The following WWOX variants were observed in gnomAD, a reference collection of about 807,000 sequenced individuals.
The protein encoded by WWOX is WW domain-containing oxidoreductase.
In WWOX, 69 loss-of-function variants were observed where a neutral mutation model predicts 46.2. The ratio of observed to expected loss-of-function variants is 1.49; its 90% CI spans 1.23 to 1.82. The LOEUF (loss-of-function observed/expected upper bound fraction) is 1.82. Among genes scored for constraint, WWOX ranks in the 40% most tolerant of loss-of-function variants. The probability of loss-of-function intolerance (pLI) is 0.00; values close to 1 mark genes in which losing one functional copy is unlikely to be tolerated. For synonymous variants in WWOX, 359 were observed against 202.6 expected (o/e 1.77, Z -6.56); for missense variants, 919 against 542.6 (o/e 1.69, Z -6.89).
chr16:78,973,532 TA>T (rs1390354936), intron 8 of WWOX, among the ~76,000 whole-genome samples: 5 of 152,198 alleles, frequency 3.3e-5, no homozygotes, highest in South Asian at 2.1e-4. Context: ...TCCCTTTATT[TA>T]TTTATTTTCT....
chr16:78,721,499 G>A (rs573884593), intron 8 of WWOX, among the ~76,000 whole-genome samples: 2 of 152,188 alleles, frequency 1.3e-5, no homozygotes, highest in African/African-American at 2.4e-5. Context: ...CTCTATTGCT[G>A]GTGGCGGGGT....
At chr16:78,921,505 G>A (rs2045379006) in intron 8 of WWOX, among the ~76,000 whole-genome samples, 2 of 152,162 alleles carry the variant, frequency 1.3e-5, no homozygotes, top group African/African-American at 2.4e-5. Flanking sequence ...CATTTTCAAA[G>A]ACCTTTCACA....
chr16:78,190,718 C>G (rs972159777), intron 5 of WWOX, among the ~76,000 whole-genome samples: 2 of 152,094 alleles, frequency 1.3e-5, no homozygotes, highest in Non-Finnish European at 2.9e-5. Context: ...TGGTATGAAA[C>G]CCAGCTCATT....
At chr16:78,206,516 G>C (rs1212031852) in intron 5 of WWOX, among the ~76,000 whole-genome samples, 2 of 152,138 alleles carry the variant, frequency 1.3e-5, no homozygotes, top group East Asian at 1.9e-4. Context: ...AGCTGATGCT[G>C]CTCTACTACC....
chr16:78,883,707 G>C (rs1567624799), intron 8 of WWOX, among the ~76,000 whole-genome samples: 1 of 149,012 alleles, frequency 6.7e-6, no homozygotes, highest in Non-Finnish European at 1.5e-5. Flanking sequence ...CTGGGCAACA[G>C]AGCAAGACTC....
At chr16:78,375,998 A>G (rs1230565123) in intron 5 of WWOX, among the ~76,000 whole-genome samples, 1 of 151,938 alleles carries the variant, frequency 6.6e-6, no homozygotes, top group African/African-American at 2.4e-5. Flanking sequence ...CTACCAGCGC[A>G]TGTCACCATG....
chr16:78,103,187 C>T (rs144320020), intron 1 of WWOX, among the ~76,000 whole-genome samples: 24 of 152,088 alleles, frequency 1.6e-4, no homozygotes, highest in African/African-American at 5.3e-4. Flanking sequence ...AACGCCTTTC[C>T]TCCAGCCCTC....
chr16:78,916,293 A>G (rs1777020470), intron 8 of WWOX, among the ~76,000 whole-genome samples: 1 of 152,136 alleles, frequency 6.6e-6, no homozygotes, highest in Non-Finnish European at 1.5e-5. Flanking sequence ...ATGGATGGAG[A>G]CCCTGTTTCA....
chr16:79,142,197 G>C (rs75450260), intron 8 of WWOX, among the ~76,000 whole-genome samples: 205 of 151,844 alleles, frequency 1.4e-3, no homozygotes, highest in African/African-American at 4.5e-3. Flanking sequence ...AGGTGACCAA[G>C]CAGACATGGC....
intron 8 of WWOX, among the ~76,000 whole-genome samples, chr16:78,456,454 T>G (rs915625057): frequency 6.6e-6 from 1 of 152,220 alleles, no homozygotes; most frequent in African/African-American, 2.4e-5. Flanking sequence ...TATTTAAGAT[T>G]GAGCACTTAA....
At chr16:78,495,250 C>G (rs2084887578) in intron 8 of WWOX, among the ~76,000 whole-genome samples, 1 of 145,786 alleles carries the variant, frequency 6.9e-6, no homozygotes, top group Non-Finnish European at 1.5e-5. Flanking sequence ...AAGCGATTCT[C>G]CTGCCTCAGC....
intron 6 of WWOX, among the ~76,000 whole-genome samples, chr16:78,420,656 T>C (rs952231887): frequency 6.6e-6 from 1 of 151,940 alleles, no homozygotes; most frequent in African/African-American, 2.4e-5. Flanking sequence ...TGCTAATTTT[T>C]TTTTTTTTTT....
intron 8 of WWOX, among the ~76,000 whole-genome samples, chr16:78,952,086 A>G (rs930202686): frequency 6.6e-6 from 1 of 152,104 alleles, no homozygotes; most frequent in East Asian, 1.9e-4. Flanking sequence ...CCCTCGACCC[A>G]GTGACCTAGC....
chr16:78,919,191 C>G (rs973919733), intron 8 of WWOX, among the ~76,000 whole-genome samples: 3 of 152,080 alleles, frequency 2.0e-5, no homozygotes, highest in Non-Finnish European at 4.4e-5. Context: ...GGGCTCTGTG[C>G]TATTCTCTTA....
intron 8 of WWOX, among the ~76,000 whole-genome samples, chr16:78,433,232 C>G (rs923484192): frequency 6.6e-6 from 1 of 152,024 alleles, no homozygotes; most frequent in African/African-American, 2.4e-5. Flanking sequence ...GGGTATAATC[C>G]TCTGTTGGAG....
intron 8 of WWOX, among the ~76,000 whole-genome samples, chr16:79,112,040 C>A (rs2049426996): frequency 6.6e-6 from 1 of 152,136 alleles, no homozygotes; most frequent in Non-Finnish European, 1.5e-5. Context: ...CCAGCCATAC[C>A]TCAATGTCCA....
intron 8 of WWOX, among the ~76,000 whole-genome samples, chr16:78,985,568 A>G (rs566962998): frequency 1.2e-3 from 182 of 152,340 alleles, no homozygotes; most frequent in African/African-American, 3.9e-3. Flanking sequence ...CAGGAGTTTC[A>G]GACCAGCCTG....
intron 8 of WWOX, among the ~76,000 whole-genome samples, chr16:78,664,231 A>C (rs77642005): frequency 0.015 from 2,249 of 152,278 alleles, 23 homozygotes; most frequent in Middle Eastern, 0.041. Context: ...AGCATATTCA[A>C]ATGTAATTGT....
intron 8 of WWOX, among the ~76,000 whole-genome samples, chr16:78,718,699 C>T (rs907546709): frequency 2.6e-5 from 4 of 152,250 alleles, no homozygotes; most frequent in Admixed American, 6.5e-5. Flanking sequence ...CATAGTGAGA[C>T]ACTACCTAGA....
Sources: allele counts gnomAD v4.1 joint callset (sites outside exome capture counted in the v4.1 genomes callset), GRCh38; gene constraint gnomAD v4.1.1; transcripts MANE v1.5; gene names NCBI Gene and HGNC (gene_info 2026-07-23, HGNC 2026-07-21).